The following ATP5F1D variants were observed in gnomAD, a reference collection of about 807,000 sequenced individuals.
ATP5F1D encodes the protein ATP synthase F1 subunit delta, also known as ATP synthase F(1) complex subunit delta, mitochondrial.
Under a neutral mutation model 13.0 loss-of-function variants are expected in ATP5F1D, and 16 were observed. The observed-to-expected ratio is 1.23, with a 90% CI of 0.83 to 1.87. The LOEUF is 1.87. ATP5F1D is among the 40% of genes most tolerant of loss of function. The pLI is 0.00. For synonymous variants in ATP5F1D, 129 were observed against 116.2 expected (o/e 1.11, Z -0.71); for missense variants, 294 against 246.2 (o/e 1.19, Z -1.30).
intron 3 of ATP5F1D, 58 bp from the exon 4 acceptor site, chr19:1,244,257 G>A (rs1568766229): frequency 1.9e-6 from 3 of 1,580,628 alleles, no homozygotes; most frequent in Non-Finnish European, 1.7e-6. Flanking sequence ...AGCGCTGGGG[G>A]ACCAGGAGCC....
chr19:1,244,501 G>A lies in ATP5F1D; in HGVS notation c.*64G>A. 1 of 1,520,356 alleles carries A rather than the reference G, an allele frequency of 6.6e-7. No homozygotes were observed. 94.2% of individuals were successfully genotyped at this position (1,520,356 alleles called of 1,614,324 possible). ...TGGGCAGGGATGCCAGGTGGGCCCA[G>A]CCAGCTCCTGGGGTCCCGGCCACCT... On this transcript the variant is annotated 3_prime_UTR_variant, in exon 4 of 4. Transcript: ENST00000215375.
intron 2 of ATP5F1D, 27 bp from the exon 3 acceptor site, chr19:1,244,069 AC>A: frequency 1.3e-6 from 2 of 1,593,016 alleles, no homozygotes; most frequent in Non-Finnish European, 1.7e-6. Flanking sequence ...TTGGGGTCTC[AC>A]GCCTTCCCCC....
chr19:1,243,227 T>C (rs2081046594), intron 2 of ATP5F1D: 1 of 152,160 alleles, frequency 6.6e-6, no homozygotes, highest in South Asian at 2.1e-4. Flanking sequence ...AAGCAAGAGA[T>C]GTAAAACCAC....
At chr19:1,243,779 C>T (rs1032253648) in intron 2 of ATP5F1D, among the ~76,000 whole-genome samples, 11 of 152,236 alleles carry the variant, frequency 7.2e-5, no homozygotes, top group African/African-American at 2.4e-4. Flanking sequence ...GATTTGAACT[C>T]AGCTTGCCTT....
In ATP5F1D at chr19:1,244,474, G is replaced by T. The variant is rs571314147; in HGVS notation, c.*37G>T. On this transcript the variant is annotated 3_prime_UTR_variant, in exon 4 of 4. Transcript: ENST00000215375. ...CCGGTGTCCCGAGGCCCGGCCAGGG[G>T]CTGGGCAGGGATGCCAGGTGGGCCC... 8 of 1,539,710 alleles carry T rather than the reference G, an allele frequency of 5.2e-6. No individual in the cohort carries two copies. The African/African-American group carries it at 5.5e-5, about 11-fold the overall frequency.
intron 2 of ATP5F1D, 105 bp downstream of exon 2, chr19:1,242,714 G>A (rs2081043922): frequency 1.5e-6 from 2 of 1,337,508 alleles, no homozygotes; most frequent in African/African-American, 1.5e-5. Flanking sequence ...TTTAGGCCGG[G>A]CACGGTGGCT....
Position 1,244,624 on chromosome 19 carries a change from C to T in ATP5F1D, c.*187C>T. ...GTGTTGAAAGCTCTGGGGACTGGGC[C>T]AGGGAAGCTCCTCCTCAGCTTTGAG... is the stretch of plus-strand genomic sequence containing the variant. On this transcript the variant is annotated 3_prime_UTR_variant, in exon 4 of 4. Coordinates refer to ENST00000215375, the MANE Select transcript of ATP5F1D (RefSeq NM_001687.5). 2 of 921,260 alleles carry T rather than the reference C, an allele frequency of 2.2e-6. No homozygotes were observed. Among genetic ancestry groups the T allele is most frequent in the East Asian group, 2.7e-5 (1 of 36,654 alleles). 57.1% of individuals were successfully genotyped at this position (921,260 alleles called of 1,614,324 possible). A position where few individuals can be genotyped will look rare whatever the true frequency, so the allele number is the denominator to read the frequency against.
intron 2 of ATP5F1D, among the ~76,000 whole-genome samples, chr19:1,243,579 C>T (rs540928285): frequency 7.9e-5 from 12 of 152,064 alleles, no homozygotes; most frequent in East Asian, 7.7e-4. Context: ...CCGCTTCAGC[C>T]GGGGAAGTCA....
At position 1,241,888 on chromosome 19, in the gene ATP5F1D, G is replaced by T. The variant is rs765301972; in HGVS notation, c.38G>T (p.Gly13Val). The T allele has an allele frequency of 6.9e-7, 1 of 1,440,286 alleles. No individual in the cohort carries two copies. Among genetic ancestry groups the T allele is most frequent in the South Asian group, 1.4e-5 (1 of 70,842 alleles). 89.2% of individuals were successfully genotyped at this position (1,440,286 alleles called of 1,614,324 possible). Residue 13 changes from glycine (G) to valine (V), a missense_variant, in exon 1 of 4, where the codon GGC becomes GTC. Coordinates refer to ENST00000215375, the MANE Select transcript of ATP5F1D (RefSeq NM_001687.5). The part of the protein sequence containing the change: ...PAALLRRPGL[G>V]RLVRHARAYA... ...GCGCTGCTCCGCCGCCCGGGACTTGGCCGCCTCGTCCGCCACGCCCGTGCC... is the reference window on the plus strand; with the variant it reads ...GCGCTGCTCCGCCGCCCGGGACTTGTCCGCCTCGTCCGCCACGCCCGTGCC...
chr19:1,242,217 CT>C (rs1253740580), intron 1 of ATP5F1D: 1 of 767,438 alleles, frequency 1.3e-6, no homozygotes, highest in East Asian at 3.4e-5. Context: ...CCTCCCCGAT[CT>C]CCCTGGCCAA....
chr19:1,242,486 G>C lies in ATP5F1D; in HGVS notation c.172G>C (p.Val58Leu). 1 of 1,541,036 alleles carries C rather than the reference G, an allele frequency of 6.5e-7. No individual in the cohort carries two copies. Among genetic ancestry groups the C allele is most frequent in the Non-Finnish European group, 8.8e-7 (1 of 1,139,850 alleles). ...VFFNGANVRQVDVPTLTGAFG... is the reference protein window; with the variant it reads ...VFFNGANVRQLDVPTLTGAFG... ...CTTCAACGGTGCCAACGTCCGGCAG[G>C]TGGACGTGCCCACGCTGACCGGAGC... Residue 58 changes from valine (V) to leucine (L), a missense_variant, in exon 2 of 4, where the codon GTG becomes CTG. Physicochemically the swap from Val to Leu is conservative, Grantham distance 32. Transcript: ENST00000215375.
chr19:1,242,187 G>C, intron 1 of ATP5F1D, 196 bp downstream of exon 1: 2 of 842,070 alleles, frequency 2.4e-6, no homozygotes. Context: ...ACCTCCCCGA[G>C]ATAAGCGTCT....
At position 1,241,893 on chromosome 19, in the gene ATP5F1D, C is replaced by T. The variant is rs2145471027; in HGVS notation, c.43C>T (p.Leu15Phe). ...ALLRRPGLGR[L>F]VRHARAYAEA... ...GCTCCGCCGCCCGGGACTTGGCCGC[C>T]TCGTCCGCCACGCCCGTGCCTATGC... is the stretch of plus-strand genomic sequence containing the variant. Residue 15 changes from leucine (L) to phenylalanine (F), a missense_variant, in exon 1 of 4, where the codon CTC becomes TTC. Physicochemically the swap from Leu to Phe is conservative, Grantham distance 22. Transcript: ENST00000215375. The T allele has an allele frequency of 1.4e-6, 2 of 1,452,822 alleles. No homozygotes were observed. Among genetic ancestry groups the T allele is most frequent in the East Asian group, 2.9e-5 (1 of 34,800 alleles). The allele number at this position is 1,452,822 out of a possible 1,614,324, so 90.0% of individuals were successfully genotyped here.
At chr19:1,242,056 C>G in intron 1 of ATP5F1D, 65 bp downstream of exon 1, 1 of 1,307,842 alleles carries the variant, frequency 7.6e-7, no homozygotes, top group Non-Finnish European at 9.7e-7. Flanking sequence ...TCCCCACCCC[C>G]AGGGCGCGAC....
intron 2 of ATP5F1D, 84 bp from the exon 3 acceptor site, chr19:1,244,013 G>T: frequency 7.4e-7 from 1 of 1,351,838 alleles, no homozygotes; most frequent in South Asian, 1.3e-5. Context: ...TGGTTCACAG[G>T]GGGCTCTGGA....
Position 1,244,562 on chromosome 19 carries a change from G to T in ATP5F1D, c.*125G>T. 1 of 1,406,356 alleles carries T rather than the reference G, an allele frequency of 7.1e-7. No homozygotes were observed. The highest frequency in any genetic ancestry group is 2.5e-5 in the East Asian group (1 of 39,936). 87.1% of individuals were successfully genotyped at this position (1,406,356 alleles called of 1,614,324 possible). A position where few individuals can be genotyped will look rare whatever the true frequency, so the allele number is the denominator to read the frequency against. Reference sequence around the variant, plus strand: ...CGCCTGCCAAGGAGGCCACCAGAGGGCAGTGCAGGCTTCTGCCTGGGCCCC... The same window carrying T: ...CGCCTGCCAAGGAGGCCACCAGAGGTCAGTGCAGGCTTCTGCCTGGGCCCC... On this transcript the variant is annotated 3_prime_UTR_variant, in exon 4 of 4. Transcript: ENST00000215375.
chr19:1,242,557 G>T lies in ATP5F1D; in HGVS notation c.243G>T (p.Arg81=). ...AAHVPTLQVL[R]PGLVVVHAED... ...ACGTGCCCACGCTGCAGGTCCTGCG[G>T]CCGGGGCTGGTCGTGGTGCATGCAG... The change falls in exon 2 of 4, where the codon CGG becomes CGT. Residue 81 remains arginine (R), a synonymous_variant. Transcript: ENST00000215375. 6.5e-7 allele frequency: 1 copy of T among 1,546,006 alleles called. No homozygotes were observed. The highest frequency in any genetic ancestry group is 8.7e-7 in the Non-Finnish European group (1 of 1,144,392).
In ATP5F1D at chr19:1,244,152, A is replaced by C; in HGVS notation, c.351A>C (p.Glu117Asp). 1 of 1,612,476 alleles carries C rather than the reference A, an allele frequency of 6.2e-7. No homozygotes were observed. Among genetic ancestry groups the C allele is most frequent in the Non-Finnish European group, 8.5e-7 (1 of 1,179,444 alleles). Reference sequence around the variant, plus strand: ...ACTCTTCGGTGCAGTTGTTGGCCGAAGAGGCCGTGACGCTGGACATGTTGG... The same window carrying C: ...ACTCTTCGGTGCAGTTGTTGGCCGACGAGGCCGTGACGCTGGACATGTTGG... ...NADSSVQLLA[E>D]EAVTLDMLDL... is the part of the protein sequence containing the mutation. The change falls in exon 3 of 4, where the codon GAA (glutamate) becomes GAC (aspartate). Residue 117 changes from glutamate to aspartate, a missense_variant. Coordinates refer to ENST00000215375, the MANE Select transcript of ATP5F1D (RefSeq NM_001687.5).
rs35427793 is a variant in ATP5F1D at position 1,244,147 on chromosome 19, G to A, written c.346G>A (p.Ala116Thr). 96 of 1,612,382 alleles carry A rather than the reference G, an allele frequency of 6.0e-5. No homozygotes were observed. In the African/African-American group the frequency reaches 1.3e-3, roughly 21 times the overall value. The change falls in exon 3 of 4, where the codon GCC (alanine) becomes ACC (threonine). Residue 116 changes from alanine (A) to threonine (T), a missense_variant. Ala to Thr is a moderately conservative substitution (Grantham distance 58). Transcript: ENST00000215375. The part of the protein sequence containing the change: ...VNADSSVQLL[A>T]EEAVTLDMLD... ...CGCCGACTCTTCGGTGCAGTTGTTG[G>A]CCGAAGAGGCCGTGACGCTGGACAT...
Sources: gnomAD v4.1 joint callset for allele counts (sites outside exome capture counted in the v4.1 genomes callset) on GRCh38, gnomAD v4.1.1 for gene constraint, MANE v1.5 for transcripts, NCBI Gene and HGNC (gene_info 2026-07-23, HGNC 2026-07-21) for gene names.